MECOM: variants seen among roughly 807,000 people sequenced by gnomAD.
The protein encoded by MECOM is histone-lysine N-methyltransferase MECOM.
A neutral mutation model predicts 116.3 loss-of-function variants in MECOM; 13 were observed. The observed-to-expected ratio is 0.11, with a 90% CI of 0.07 to 0.18. MECOM has a LOEUF of 0.18. MECOM is among the 10% of genes least tolerant of loss of function. The pLI is 1.00. For synonymous variants in MECOM, 528 were observed against 535.2 expected (o/e 0.99, Z 0.19); for missense variants, 1,299 against 1,509.0 (o/e 0.86, Z 2.31).
chr3:169,329,395 GA>G lies in MECOM; in HGVS notation c.375+51791del, dbSNP rs1169441120. On this transcript the variant is annotated intron_variant, in intron 2 of 16. Transcript: ENST00000651503. ...GAAGCTGTTTTGTCCATTAACCAAA[GA>G]AGAAGTCTCAAAATGCTTGGGACAT... Among the ~76,000 whole-genome samples the G allele has an allele frequency of 7.2e-5, 11 of 152,304 alleles. 1 individual carries two copies. Among genetic ancestry groups the G allele is most frequent in the Admixed American group, 5.9e-4 (9 of 15,296 alleles).
intron 1 of MECOM, among the ~76,000 whole-genome samples, chr3:169,631,567 C>T (rs62295985): frequency 0.016 from 2,334 of 150,154 alleles, 31 homozygotes; most frequent in East Asian, 0.047. Flanking sequence ...CCCATTAACT[C>T]GTCATTTAGC....
intron 1 of MECOM, among the ~76,000 whole-genome samples, chr3:169,452,624 T>A (rs768160270): frequency 4.6e-5 from 7 of 152,164 alleles, no homozygotes; most frequent in Non-Finnish European, 1.0e-4. Context: ...TAGCTCACAG[T>A]TTCAAACAAC....
intron 2 of MECOM, among the ~76,000 whole-genome samples, chr3:169,165,725 G>A (rs1743483970): frequency 6.6e-6 from 1 of 152,100 alleles, no homozygotes; most frequent in Non-Finnish European, 1.5e-5. Flanking sequence ...TTTAAGGAAA[G>A]ATAAACAAGA....
intron 1 of MECOM, among the ~76,000 whole-genome samples, chr3:169,584,658 C>T (rs980841690): frequency 6.6e-6 from 1 of 151,786 alleles, no homozygotes; most frequent in Non-Finnish European, 1.5e-5. Context: ...ACTTGTAGTA[C>T]ATTTCCAATT....
At chr3:169,494,938 T>C (rs992661145) in intron 1 of MECOM, among the ~76,000 whole-genome samples, 3 of 152,236 alleles carry the variant, frequency 2.0e-5, no homozygotes, top group Non-Finnish European at 2.9e-5. Flanking sequence ...CTAGTGAGGA[T>C]GGAGAGGAGA....
At chr3:169,193,695 C>T (rs35494095) in intron 2 of MECOM, among the ~76,000 whole-genome samples, 19,348 of 151,768 alleles carry the variant, frequency 0.13, 1,288 homozygotes, top group Non-Finnish European at 0.14. Context: ...GATGACATGG[C>T]TAAAAAGCTA....
At chr3:169,208,764 G>A (rs1440515620) in intron 2 of MECOM, among the ~76,000 whole-genome samples, 2 of 151,930 alleles carry the variant, frequency 1.3e-5, no homozygotes, top group Non-Finnish European at 2.9e-5. Context: ...TGGCCATACT[G>A]CCCAAAGTAA....
Position 169,116,419 on chromosome 3 carries a change from G to A in MECOM, c.1453C>T (p.Pro485Ser). The A allele has an allele frequency of 1.2e-6, 2 of 1,614,130 alleles. No individual in the cohort carries two copies. Among genetic ancestry groups the A allele is most frequent in the East Asian group, 4.5e-5 (2 of 44,872 alleles). Residue 485 changes from proline to serine, a missense_variant, in exon 8 of 17, where the codon CCT (proline) becomes TCT (serine). Physicochemically the swap from Pro to Ser is moderately conservative, Grantham distance 74 (BLOSUM62 -1). Around this residue, in one of 6 missense-constraint regions of MECOM, gnomAD observed 238 missense variants for 273.1 expected, o/e 0.87. Transcript: ENST00000651503. ...HPAGLTFPTA[P>S]GFSFSFPGLF... ...CCAGGGAAGCTAAAAGAAAATCCAGGAGCTGTTGGAAAGGTAAGACCAGCA... is the reference window on the plus strand; with the variant it reads ...CCAGGGAAGCTAAAAGAAAATCCAGAAGCTGTTGGAAAGGTAAGACCAGCA...
chr3:169,387,879 G>A (rs1486644734), intron 1 of MECOM, among the ~76,000 whole-genome samples: 1 of 152,030 alleles, frequency 6.6e-6, no homozygotes, highest in Admixed American at 6.6e-5. Context: ...GAATTGAACA[G>A]ATTAGGTAAC....
intron 2 of MECOM, among the ~76,000 whole-genome samples, chr3:169,191,233 T>C (rs1479859206): frequency 2.0e-5 from 3 of 151,994 alleles, no homozygotes; most frequent in African/African-American, 7.2e-5. Context: ...TGTCAGGCTG[T>C]GCATCCATAA....
At chr3:169,162,110 C>G (rs946944002) in intron 2 of MECOM, among the ~76,000 whole-genome samples, 2 of 152,190 alleles carry the variant, frequency 1.3e-5, no homozygotes, top group African/African-American at 4.8e-5. Flanking sequence ...ACCAAGCACA[C>G]CAGCCACAGC....
Position 169,663,412 on chromosome 3 carries a change from C to CTTTT in MECOM, c.-44_-41dup. 6.3e-7 allele frequency: 1 copy of CTTTT among 1,588,958 alleles called. No individual in the cohort carries two copies. ...TGCAGCCGCTGGTGTGTGGTTGGGG[C>CTTTT]TTTTTTTTCTTGGATCCTTTCCTTC... On this transcript the variant is annotated 5_prime_UTR_variant, in exon 1 of 17. Coordinates refer to ENST00000651503, the MANE Select transcript of MECOM (RefSeq NM_004991.4).
chr3:169,548,403 G>C (rs1028422100), intron 1 of MECOM, among the ~76,000 whole-genome samples: 1 of 152,130 alleles, frequency 6.6e-6, no homozygotes, highest in Admixed American at 6.5e-5. Context: ...GTAAAGAAAA[G>C]CAGCAGTCAT....
At chr3:169,433,827 C>T (rs1473555962) in intron 1 of MECOM, among the ~76,000 whole-genome samples, 3 of 152,114 alleles carry the variant, frequency 2.0e-5, no homozygotes, top group African/African-American at 7.2e-5. Flanking sequence ...TTTACTGTGA[C>T]TGTAGGGTGA....
intron 1 of MECOM, among the ~76,000 whole-genome samples, chr3:169,486,674 G>A (rs899167754): frequency 6.6e-6 from 1 of 152,046 alleles, no homozygotes; most frequent in Non-Finnish European, 1.5e-5. Context: ...TGGGATTTAG[G>A]ATTGGAATAG....
Position 169,463,200 on chromosome 3 carries a change from TA to T in MECOM, c.38-81677del, listed in dbSNP as rs201635849. ...ACTCCCTTTCCCAGGCACCGGGCAT[TA>T]AAAAAGAAACCACCCCACTGGGAAA... On this transcript the variant is annotated intron_variant, in intron 1 of 16. Coordinates refer to ENST00000651503, the MANE Select transcript of MECOM (RefSeq NM_004991.4). 2.2e-4 allele frequency among the ~76,000 whole-genome samples: 34 copies of T among 152,210 alleles called. No homozygotes were observed. The East Asian group carries it at 6.4e-3, about 28-fold the overall frequency.
intron 2 of MECOM, among the ~76,000 whole-genome samples, chr3:169,277,030 ACAC>A (rs1457434864): frequency 2.7e-5 from 4 of 149,734 alleles, no homozygotes; most frequent in East Asian, 2.0e-4. Flanking sequence ...ACACACACAC[ACAC>A]AAGTGCTGTC....
chr3:169,096,182 A>G (rs193111350), intron 12 of MECOM, among the ~76,000 whole-genome samples: 1 of 152,276 alleles, frequency 6.6e-6, no homozygotes, highest in African/African-American at 2.4e-5. Flanking sequence ...TGTCATTTTA[A>G]GGTAAAGATT....
chr3:169,131,133 G>A (rs895405782), intron 4 of MECOM, among the ~76,000 whole-genome samples: 3 of 152,166 alleles, frequency 2.0e-5, no homozygotes, highest in Non-Finnish European at 4.4e-5. Flanking sequence ...CACAGTGAAA[G>A]GATTCTCACC....
Sources: allele counts gnomAD v4.1 joint callset (sites outside exome capture counted in the v4.1 genomes callset), GRCh38; gene constraint gnomAD v4.1.1; regional missense constraint gnomAD v4.1.1; transcripts MANE v1.5; gene names NCBI Gene and HGNC (gene_info 2026-07-23, HGNC 2026-07-21).